Variants in BMPR1B observed in about 807,000 individuals in gnomAD.
BMPR1B encodes bone morphogenetic protein receptor type 1B, also known as bone morphogenetic protein receptor type-1B.
A neutral mutation model predicts 59.1 loss-of-function variants in BMPR1B; 12 were observed. The ratio of observed to expected loss-of-function variants is 0.20; its 90% confidence interval spans 0.13 to 0.33. BMPR1B has a LOEUF of 0.33. Among genes scored for constraint, BMPR1B ranks in the 10% least tolerant of loss-of-function variants. The pLI is 1.00. For missense variants in BMPR1B, 550 were observed against 610.9 expected (o/e 0.90, Z 1.05); for synonymous variants, 237 against 207.3 (o/e 1.14, Z -1.23).
chr4:95,053,744 A>G (rs893342546), intron 3 of BMPR1B, among the ~76,000 whole-genome samples: 3 of 152,152 alleles, frequency 2.0e-5, no homozygotes, highest in African/African-American at 7.2e-5. Flanking sequence ...TTTGTCACCA[A>G]TTGACTTTTT....
At chr4:94,812,717 G>A (rs1404553525) in intron 1 of BMPR1B, among the ~76,000 whole-genome samples, 2 of 152,192 alleles carry the variant, frequency 1.3e-5, no homozygotes, top group Non-Finnish European at 2.9e-5. Context: ...GCACGGAATG[G>A]ACAGGAGAGA....
chr4:94,758,591 C>T (rs1453306083), intron 1 of BMPR1B, among the ~76,000 whole-genome samples: 1 of 152,118 alleles, frequency 6.6e-6, no homozygotes, highest in Non-Finnish European at 1.5e-5. Flanking sequence ...GGACGCCTCC[C>T]GAGACCCAGC....
At chr4:95,135,524 C>A (rs975388013) in intron 10 of BMPR1B, among the ~76,000 whole-genome samples, 4 of 152,082 alleles carry the variant, frequency 2.6e-5, no homozygotes, top group Admixed American at 6.6e-5. Context: ...AGTTTGTGTC[C>A]TCTTTTATTT....
At chr4:94,928,430 A>G (rs969359295) in intron 2 of BMPR1B, among the ~76,000 whole-genome samples, 2 of 152,084 alleles carry the variant, frequency 1.3e-5, no homozygotes, top group African/African-American at 2.4e-5. Flanking sequence ...TTGTGCATGA[A>G]GGCAGATCAG....
chr4:94,893,606 A>G (rs1174247404), intron 2 of BMPR1B, among the ~76,000 whole-genome samples: 2 of 151,954 alleles, frequency 1.3e-5, no homozygotes, highest in Non-Finnish European at 2.9e-5. Context: ...GGCTTTCTCT[A>G]ATCAGTGAGA....
intron 1 of BMPR1B, among the ~76,000 whole-genome samples, chr4:94,808,340 T>A (rs1330680710): frequency 6.6e-6 from 1 of 152,120 alleles, no homozygotes; most frequent in Non-Finnish European, 1.5e-5. Context: ...TCTATACATA[T>A]TTTAGATTGG....
intron 2 of BMPR1B, among the ~76,000 whole-genome samples, chr4:94,937,707 A>AACACACAC (rs67140382): frequency 0.032 from 4,830 of 151,086 alleles, 228 homozygotes; most frequent in African/African-American, 0.1. Flanking sequence ...TATATGTATA[A>AACACACAC]ACACACACAC....
At chr4:95,006,475 T>A (rs1722841729) in intron 3 of BMPR1B, among the ~76,000 whole-genome samples, 1 of 149,894 alleles carries the variant, frequency 6.7e-6, no homozygotes, top group Admixed American at 6.7e-5. Flanking sequence ...TTCAGGAAGG[T>A]TAAATGACAA....
chr4:95,084,906 A>C (rs1729455323), intron 3 of BMPR1B, among the ~76,000 whole-genome samples: 2 of 152,166 alleles, frequency 1.3e-5, no homozygotes, highest in Admixed American at 6.5e-5. Flanking sequence ...AGACAGTAGC[A>C]TAGCTAGAGC....
At chr4:95,027,655 AAT>A (rs1250367268) in intron 3 of BMPR1B, among the ~76,000 whole-genome samples, 1 of 152,186 alleles carries the variant, frequency 6.6e-6, no homozygotes, top group Non-Finnish European at 1.5e-5. Flanking sequence ...TGACTGGGAA[AAT>A]ATGAGTCAAA....
At chr4:94,791,511 G>A (rs1343021626) in intron 1 of BMPR1B, among the ~76,000 whole-genome samples, 1 of 152,082 alleles carries the variant, frequency 6.6e-6, no homozygotes, top group African/African-American at 2.4e-5. Context: ...ATATTTTAAT[G>A]ACATTTAAAA....
At chr4:94,936,855 A>C (rs1195797332) in intron 2 of BMPR1B, among the ~76,000 whole-genome samples, 2 of 151,952 alleles carry the variant, frequency 1.3e-5, no homozygotes, top group Non-Finnish European at 2.9e-5. Flanking sequence ...TGTGTCCCTT[A>C]GCGCAGATCC....
intron 9 of BMPR1B, among the ~76,000 whole-genome samples, chr4:95,130,562 G>T (rs747098511): frequency 6.6e-6 from 1 of 152,030 alleles, no homozygotes; most frequent in African/African-American, 2.4e-5. Context: ...AATGTCTTAT[G>T]TGTAACCATA....
chr4:94,951,498 A>G (rs1182317112), intron 2 of BMPR1B, among the ~76,000 whole-genome samples: 3 of 152,102 alleles, frequency 2.0e-5, no homozygotes, highest in Non-Finnish European at 4.4e-5. Flanking sequence ...GTTGAATTTA[A>G]TCGAAGGCCT....
rs189270746 is a variant in BMPR1B, at chr4:94,953,075, T to G, written c.-112-42965T>G. On this transcript the variant is annotated intron_variant, in intron 2 of 12. Coordinates refer to ENST00000515059, the MANE Select transcript of BMPR1B (RefSeq NM_001203.3). ...AAGTCTGTTTTATCAGAGACTAGGA[T>G]TGCAACCCCTGCTTTTTTTTTGTTT... 7.9e-3 allele frequency among the ~76,000 whole-genome samples: 1,206 copies of G among 152,298 alleles called. 14 individuals carry two copies. Among genetic ancestry groups the G allele is most frequent in the African/African-American group, 0.027 (1,138 of 41,556 alleles).
chr4:95,050,909 C>T (rs904015351), intron 3 of BMPR1B, among the ~76,000 whole-genome samples: 1 of 151,968 alleles, frequency 6.6e-6, no homozygotes, highest in South Asian at 2.1e-4. Flanking sequence ...GCAAATGAAA[C>T]GTCACAAAAA....
At chr4:94,960,884 G>A (rs1730326829) in intron 2 of BMPR1B, among the ~76,000 whole-genome samples, 1 of 151,982 alleles carries the variant, frequency 6.6e-6, no homozygotes, top group Non-Finnish European at 1.5e-5. Flanking sequence ...TAAGATGAAG[G>A]GGCATGCCCT....
intron 1 of BMPR1B, among the ~76,000 whole-genome samples, chr4:94,854,664 A>G (rs1196770298): frequency 6.6e-6 from 1 of 152,216 alleles, no homozygotes; most frequent in Non-Finnish European, 1.5e-5. Context: ...CATTCATTCA[A>G]GAGTCTTGAG....
intron 2 of BMPR1B, among the ~76,000 whole-genome samples, chr4:94,903,891 C>A (rs772322429): frequency 2.0e-5 from 3 of 151,992 alleles, no homozygotes; most frequent in Non-Finnish European, 4.4e-5. Flanking sequence ...AGACTTCCAG[C>A]CTCCAGAATA....
Sources: gnomAD v4.1 joint callset for allele counts (sites outside exome capture counted in the v4.1 genomes callset) on GRCh38, gnomAD v4.1.1 for gene constraint, MANE v1.5 for transcripts, NCBI Gene and HGNC (gene_info 2026-07-23, HGNC 2026-07-21) for gene names.